The following ASB3 variants were observed in gnomAD, a reference collection of about 807,000 sequenced individuals.
ASB3 encodes ankyrin repeat and SOCS box containing 3.
In ASB3, 41 loss-of-function variants were observed where a neutral mutation model predicts 54.5. The observed-to-expected ratio is 0.75, with a 90% CI of 0.59 to 0.98. The LOEUF (loss-of-function observed/expected upper bound fraction) is 0.98. Ranked by LOEUF, ASB3 falls within the 50% of genes least tolerant of loss-of-function variation. The probability of loss-of-function intolerance (pLI) is 0.00; values close to 1 mark genes in which losing one functional copy is unlikely to be tolerated. For synonymous variants in ASB3, 266 were observed against 221.2 expected, an observed-to-expected ratio of 1.20 and a Z score of -1.80; for missense variants, 733 against 620.0, an observed-to-expected ratio of 1.18 and a Z score of -1.94.
intron 3 of ASB3, among the ~76,000 whole-genome samples, chr2:53,733,785 TAC>T (rs1671459737): frequency 6.6e-6 from 1 of 152,102 alleles, no homozygotes; most frequent in Admixed American, 6.5e-5. Context: ...CACAGAGAAA[TAC>T]AGAGGTGTGG....
At chr2:53,705,667 G>C (rs187201746) in intron 7 of ASB3, among the ~76,000 whole-genome samples, 201 of 152,086 alleles carry the variant, frequency 1.3e-3, no homozygotes, top group African/African-American at 4.7e-3. Flanking sequence ...TTTTTTCTGT[G>C]CCCAATCTCC....
At position 53,767,815 on chromosome 2, in the gene ASB3, G is replaced by T. The variant is rs116046099; in HGVS notation, c.-13-2230C>A. On this transcript the variant is annotated intron_variant, in intron 1 of 9. Transcript: ENST00000263634. The stretch of plus-strand genomic sequence containing the variant: ...CCGCGCGGCCGGTTACTCGCTTACC[G>T]GAGGCTTCAGTCCCCGGCGGCGCGG... The T allele has an allele frequency of 1.4e-5, 21 of 1,531,672 alleles. No homozygotes were observed. The South Asian group carries it at 1.4e-4, about 11-fold the overall frequency. The allele number at this position is 1,531,672 out of a possible 1,614,324, so 94.9% of individuals were successfully genotyped here. A position where few individuals can be genotyped will look rare whatever the true frequency, so the allele number is the denominator to read the frequency against.
At chr2:53,718,856 G>C (rs572402627) in intron 5 of ASB3, among the ~76,000 whole-genome samples, 1 of 151,974 alleles carries the variant, frequency 6.6e-6, no homozygotes, top group Admixed American at 6.6e-5. Context: ...TCAAAGTAAA[G>C]GGTTGAAAAA....
intron 9 of ASB3, among the ~76,000 whole-genome samples, chr2:53,681,209 A>C (rs1668352031): frequency 1.3e-5 from 2 of 152,190 alleles, no homozygotes; most frequent in Non-Finnish European, 2.9e-5. Flanking sequence ...CAATATACTG[A>C]TTTCCTCTCT....
chr2:53,765,291 A>C (rs1673376238), intron 2 of ASB3, 86 bp downstream of exon 2: 1 of 1,528,928 alleles, frequency 6.5e-7, no homozygotes. Context: ...AACAAATACT[A>C]CTGTTAATAA....
intron 4 of ASB3, 37 bp from the exon 5 acceptor site, chr2:53,728,884 CA>C: frequency 2.6e-6 from 4 of 1,540,680 alleles, no homozygotes; most frequent in Non-Finnish European, 3.5e-6. Flanking sequence ...AAGAAAAAAA[CA>C]AAGAAAATAG....
At chr2:53,751,386 G>A (rs1672503353) in intron 2 of ASB3, among the ~76,000 whole-genome samples, 1 of 151,992 alleles carries the variant, frequency 6.6e-6, no homozygotes, top group African/African-American at 2.4e-5. Context: ...AATACCATGA[G>A]GCAGTTTTAA....
At chr2:53,708,565 G>A (rs1669918952) in intron 7 of ASB3, among the ~76,000 whole-genome samples, 1 of 152,170 alleles carries the variant, frequency 6.6e-6, no homozygotes, top group African/African-American at 2.4e-5. Context: ...GGAAGAGTTT[G>A]GAGGGCTCTG....
chr2:53,776,266 A>G (rs1674326790), intron 1 of ASB3, among the ~76,000 whole-genome samples: 1 of 152,252 alleles, frequency 6.6e-6, no homozygotes, highest in Admixed American at 6.5e-5. Context: ...TTAGTTTTCC[A>G]GACGGCATTT....
chr2:53,776,282 G>C (rs972587900), intron 1 of ASB3, among the ~76,000 whole-genome samples: 2 of 152,038 alleles, frequency 1.3e-5, no homozygotes, highest in Non-Finnish European at 2.9e-5. Context: ...CATTTCACTT[G>C]TCCTGTAAAA....
intron 9 of ASB3, among the ~76,000 whole-genome samples, chr2:53,676,737 C>G (rs1044928551): frequency 4.6e-5 from 7 of 152,240 alleles, no homozygotes; most frequent in African/African-American, 1.7e-4. Flanking sequence ...CTATACAGAT[C>G]TACCATTTTT....
chr2:53,750,627 A>G (rs964124410), intron 3 of ASB3, among the ~76,000 whole-genome samples, 156 bp downstream of exon 3: 2 of 152,286 alleles, frequency 1.3e-5, no homozygotes, highest in East Asian at 3.9e-4. Flanking sequence ...ACCTTTAAAA[A>G]TATCTTTTCA....
At chr2:53,755,521 T>C (rs540231205) in intron 2 of ASB3, among the ~76,000 whole-genome samples, 6 of 152,218 alleles carry the variant, frequency 3.9e-5, no homozygotes, top group East Asian at 1.9e-4. Context: ...AAATTTACTA[T>C]GTGCCAATCA....
At chr2:53,757,328 ACCAGC>A (rs1672889909) in intron 2 of ASB3, among the ~76,000 whole-genome samples, 1 of 152,200 alleles carries the variant, frequency 6.6e-6, no homozygotes, top group Non-Finnish European at 1.5e-5. Context: ...TCTGCCTGGA[ACCAGC>A]TTCTGCTTTC....
In ASB3 at chr2:53,761,173, C is replaced by T. The variant is rs1244354414; in HGVS notation, c.196+4204G>A. On this transcript the variant is annotated intron_variant, in intron 2 of 9. Transcript: ENST00000263634. ...AGCCTAGCTGGGAAAGGTGACCGCA[C>T]CTACCTTTAAACACCGGGCTTGTAA... is the stretch of plus-strand genomic sequence containing the variant. Among the ~76,000 whole-genome samples, 7 of 152,266 alleles carry T rather than the reference C, an allele frequency of 4.6e-5. 1 individual carries two copies. The highest frequency in any genetic ancestry group is 1.7e-4 in the African/African-American group (7 of 41,552).
intron 9 of ASB3, among the ~76,000 whole-genome samples, chr2:53,679,212 T>A (rs980448262): frequency 4.6e-5 from 7 of 152,232 alleles, no homozygotes; most frequent in Non-Finnish European, 7.3e-5. Context: ...TAAGCAATGC[T>A]GGAAAATACA....
At chr2:53,680,097 C>A (rs7586273) in intron 9 of ASB3, among the ~76,000 whole-genome samples, 1 of 152,162 alleles carries the variant, frequency 6.6e-6, no homozygotes, top group Non-Finnish European at 1.5e-5. Context: ...TGGCTGCATT[C>A]TAATCCATGG....
chr2:53,697,407 T>C (rs1669243372), intron 8 of ASB3, among the ~76,000 whole-genome samples: 1 of 152,206 alleles, frequency 6.6e-6, no homozygotes, highest in Non-Finnish European at 1.5e-5. Context: ...AGCCATTCTT[T>C]TGTTCCCTTA....
chr2:53,774,033 C>CA lies in ASB3; in HGVS notation c.-13-8449dup, dbSNP rs141116302. Reference sequence around the variant, plus strand: ...CTGGGCAACAGACAAGACTTCATCTCAAAAACAAACAGAAAAGAATATATG... The same window carrying CA: ...CTGGGCAACAGACAAGACTTCATCTCAAAAAACAAACAGAAAAGAATATATG... On this transcript the variant is annotated intron_variant, in intron 1 of 9. Coordinates refer to ENST00000263634, the MANE Select transcript of ASB3 (RefSeq NM_016115.5). 3.5e-3 allele frequency: 4,458 copies of CA among 1,260,098 alleles called. 112 individuals carry two copies. In the African/African-American group the frequency reaches 0.061, roughly 17 times the overall value. The allele number at this position is 1,260,098 out of a possible 1,614,324, so 78.1% of individuals were successfully genotyped here. A position where few individuals can be genotyped will look rare whatever the true frequency, so the allele number is the denominator to read the frequency against.
Sources: gnomAD v4.1 joint callset for allele counts (sites outside exome capture counted in the v4.1 genomes callset) on GRCh38, gnomAD v4.1.1 for gene constraint, MANE v1.5 for transcripts, NCBI Gene and HGNC (gene_info 2026-07-23, HGNC 2026-07-21) for gene names.